NR1H4: variants seen among roughly 807,000 people sequenced by gnomAD.
The protein encoded by NR1H4 is bile acid receptor.
NR1H4 carries 23 observed loss-of-function variants against 58.5 expected under a neutral mutation model. The observed-to-expected ratio is 0.39, with a 90% CI of 0.28 to 0.56. The LOEUF (loss-of-function observed/expected upper bound fraction) is 0.56. NR1H4 is among the 20% of genes least tolerant of loss of function. NR1H4 has a pLI of 0.58. For synonymous variants in NR1H4, 214 were observed against 198.0 expected (o/e 1.08, Z -0.68); for missense variants, 487 against 576.9 (o/e 0.84, Z 1.60).
chr12:100,479,555 G>C (rs144359134), intron 1 of NR1H4, among the ~76,000 whole-genome samples: 2 of 152,188 alleles, frequency 1.3e-5, no homozygotes, highest in East Asian at 1.9e-4. Flanking sequence ...TCCCTGTTGC[G>C]TGTCATTTTC....
At chr12:100,510,663 A>G (rs1954086291) in intron 3 of NR1H4, 115 bp from the exon 4 acceptor site, 1 of 781,970 alleles carries the variant, frequency 1.3e-6, no homozygotes, top group African/African-American at 1.8e-5. Flanking sequence ...ACTTTTATGT[A>G]GTTAAATGTT....
At chr12:100,552,030 T>TCAAACCA (rs566565620) in intron 9 of NR1H4, among the ~76,000 whole-genome samples, 1,944 of 152,360 alleles carry the variant, frequency 0.013, 31 homozygotes, top group African/African-American at 0.041. Flanking sequence ...CTGTGGTTGG[T>TCAAACCA]TGAATCCATG....
chr12:100,559,775 C>T (rs901236960), intron 9 of NR1H4, among the ~76,000 whole-genome samples: 34 of 152,354 alleles, frequency 2.2e-4, no homozygotes, highest in African/African-American at 7.7e-4. Flanking sequence ...GAGCGCAGGG[C>T]GCATGACTGG....
At chr12:100,509,654 A>G (rs1238663634) in intron 3 of NR1H4, among the ~76,000 whole-genome samples, 3 of 152,238 alleles carry the variant, frequency 2.0e-5, no homozygotes, top group African/African-American at 7.2e-5. Context: ...AGCTGCACAC[A>G]GATTGTAAGT....
chr12:100,491,654 G>C (rs1953608910), intron 1 of NR1H4, among the ~76,000 whole-genome samples: 1 of 151,596 alleles, frequency 6.6e-6, no homozygotes, highest in Admixed American at 6.6e-5. Context: ...TTATATTAAT[G>C]GATAGTAGAG....
intron 1 of NR1H4, among the ~76,000 whole-genome samples, chr12:100,480,627 C>T (rs1953358765): frequency 6.6e-6 from 1 of 152,174 alleles, no homozygotes; most frequent in Non-Finnish European, 1.5e-5. Flanking sequence ...AATCCCAAAG[C>T]CCAGGCCATA....
At chr12:100,540,593 A>G in intron 8 of NR1H4, 79 bp from the exon 9 acceptor site, 1 of 1,467,540 alleles carries the variant, frequency 6.8e-7, no homozygotes, top group Non-Finnish European at 9.5e-7. Flanking sequence ...CTTGATGTAA[A>G]TGTTTTATCA....
chr12:100,476,082 A>C (rs999030164), intron 1 of NR1H4, among the ~76,000 whole-genome samples: 3 of 152,114 alleles, frequency 2.0e-5, no homozygotes, highest in Admixed American at 2.0e-4. Flanking sequence ...TGAGACTCAA[A>C]AAATACAAGT....
intron 3 of NR1H4, among the ~76,000 whole-genome samples, chr12:100,510,178 C>T (rs1028092041): frequency 6.6e-5 from 10 of 152,062 alleles, no homozygotes; most frequent in African/African-American, 2.4e-4. Context: ...AATATTTTTA[C>T]AAAATACTTT....
intron 3 of NR1H4, 110 bp downstream of exon 3, chr12:100,493,512 T>C (rs1953648306): frequency 4.4e-6 from 3 of 688,792 alleles, no homozygotes; most frequent in Non-Finnish European, 7.9e-6. Flanking sequence ...CATGTTTTTG[T>C]TCCTTCCAAG....
At chr12:100,553,735 T>G (rs114304203) in intron 9 of NR1H4, among the ~76,000 whole-genome samples, 5,068 of 152,330 alleles carry the variant, frequency 0.033, 268 homozygotes, top group African/African-American at 0.12. Flanking sequence ...ATCTTTCTGC[T>G]TTGCTATCCT....
chr12:100,502,016 A>G (rs1450627437), intron 3 of NR1H4, among the ~76,000 whole-genome samples: 1 of 152,252 alleles, frequency 6.6e-6, no homozygotes, highest in Non-Finnish European at 1.5e-5. Flanking sequence ...CCTATTCAAT[A>G]AGCAACCCAA....
chr12:100,490,738 A>G (rs1953588101), intron 1 of NR1H4, among the ~76,000 whole-genome samples: 2 of 152,174 alleles, frequency 1.3e-5, no homozygotes, highest in Admixed American at 1.3e-4. Flanking sequence ...TGAAATTTGA[A>G]TTTCCCTAGT....
At chr12:100,493,180 T>C (rs569804379) in intron 2 of NR1H4, 90 bp from the exon 3 acceptor site, 64 of 661,372 alleles carry the variant, frequency 9.7e-5, no homozygotes, top group African/African-American at 4.3e-4. Context: ...ATTTGTACTT[T>C]CGTAAACTAT....
intron 1 of NR1H4, among the ~76,000 whole-genome samples, chr12:100,475,390 T>C (rs1257672975): frequency 6.6e-6 from 1 of 152,190 alleles, no homozygotes; most frequent in East Asian, 1.9e-4. Flanking sequence ...GGTTAACTGA[T>C]AAAGTACTGG....
intron 1 of NR1H4, among the ~76,000 whole-genome samples, chr12:100,483,460 A>G (rs899116242): frequency 1.3e-5 from 2 of 152,208 alleles, no homozygotes; most frequent in Admixed American, 1.3e-4. Context: ...GTTCTTATAG[A>G]GCACTGTCTT....
intron 3 of NR1H4, among the ~76,000 whole-genome samples, chr12:100,500,179 A>C (rs1175172371): frequency 6.6e-6 from 1 of 152,208 alleles, no homozygotes; most frequent in Non-Finnish European, 1.5e-5. Context: ...AGGCTTAGAG[A>C]ATACTTCTAT....
chr12:100,532,637 A>G (rs1325184116), intron 5 of NR1H4, 27 bp downstream of exon 5: 10 of 1,608,842 alleles, frequency 6.2e-6, no homozygotes, highest in Non-Finnish European at 8.5e-6. Context: ...ATTACATTTC[A>G]CTAAAAATCT....
intron 3 of NR1H4, among the ~76,000 whole-genome samples, chr12:100,509,314 C>T (rs765124072): frequency 6.6e-6 from 1 of 152,176 alleles, no homozygotes; most frequent in Non-Finnish European, 1.5e-5. Context: ...ATTTTTTCAG[C>T]ATTTGCATAA....
Sources: gnomAD v4.1 joint callset for allele counts (sites outside exome capture counted in the v4.1 genomes callset) on GRCh38, gnomAD v4.1.1 for gene constraint, MANE v1.5 for transcripts, NCBI Gene and HGNC (gene_info 2026-07-23, HGNC 2026-07-21) for gene names.